The following LOXL2 variants were observed in gnomAD, a reference collection of about 807,000 sequenced individuals.
The protein encoded by LOXL2 is lysyl oxidase like 2.
A neutral mutation model predicts 93.0 loss-of-function variants in LOXL2; 70 were observed. That is an observed-to-expected ratio of 0.75 (90% CI 0.62 to 0.92). LOXL2 has a LOEUF of 0.92. Ranked by LOEUF, LOXL2 falls within the 40% of genes least tolerant of loss-of-function variation. The pLI is 0.00. For synonymous variants in LOXL2, 438 were observed against 413.2 expected (o/e 1.06, Z -0.73); for missense variants, 973 against 1,054.9 (o/e 0.92, Z 1.08).
chr8:23,332,915 A>ACC (rs2117172321), intron 5 of LOXL2, among the ~76,000 whole-genome samples: 3 of 144,442 alleles, frequency 2.1e-5, no homozygotes, highest in Admixed American at 7.0e-5. Flanking sequence ...CACCCCCCCC[A>ACC]CAGAGGGGGG....
intron 3 of LOXL2, chr8:23,341,593 T>C (rs1803884120): frequency 3.3e-6 from 1 of 305,940 alleles, no homozygotes. Context: ...GGATTTTGCA[T>C]TTCACTCCAA....
chr8:23,335,162 C>A (rs1422322110), intron 4 of LOXL2, among the ~76,000 whole-genome samples: 1 of 152,100 alleles, frequency 6.6e-6, no homozygotes, highest in African/African-American at 2.4e-5. Context: ...CAAGTCATAT[C>A]ATTGTAAGGA....
intron 10 of LOXL2, among the ~76,000 whole-genome samples, chr8:23,308,024 T>C (rs1418931481): frequency 7.8e-6 from 1 of 128,432 alleles, no homozygotes; most frequent in Non-Finnish European, 1.6e-5. Flanking sequence ...AGAAAGAGCA[T>C]GTAGTTTGGA....
At chr8:23,386,123 T>G (rs1197804192) in intron 1 of LOXL2, 2 of 743,206 alleles carry the variant, frequency 2.7e-6, no homozygotes, top group Non-Finnish European at 2.5e-6. Context: ...AAGCTGGAAT[T>G]TGTAACCAGG....
At chr8:23,374,195 T>C (rs931457805) in intron 1 of LOXL2, among the ~76,000 whole-genome samples, 1 of 148,006 alleles carries the variant, frequency 6.8e-6, no homozygotes, top group African/African-American at 2.5e-5. Context: ...TGACAACATG[T>C]GGTGTTTGGT....
At chr8:23,329,093 C>T (rs1205943467) in intron 5 of LOXL2, 1 of 153,220 alleles carries the variant, frequency 6.5e-6, no homozygotes, top group Non-Finnish European at 1.5e-5. Flanking sequence ...TGCAGAGACT[C>T]CAAAGTACTA....
At chr8:23,310,699 C>A (rs1803308821) in intron 9 of LOXL2, among the ~76,000 whole-genome samples, 1 of 152,292 alleles carries the variant, frequency 6.6e-6, no homozygotes, top group South Asian at 2.1e-4. Flanking sequence ...GTCTCTGATT[C>A]CTACTGCCAA....
intron 3 of LOXL2, among the ~76,000 whole-genome samples, chr8:23,353,078 T>C (rs1047151389): frequency 5.3e-5 from 8 of 152,076 alleles, no homozygotes; most frequent in African/African-American, 1.9e-4. Flanking sequence ...ATGAAAACCT[T>C]CCCTGATCTA....
chr8:23,338,421 G>T (rs529226891), intron 4 of LOXL2, among the ~76,000 whole-genome samples: 1 of 151,962 alleles, frequency 6.6e-6, no homozygotes, highest in East Asian at 1.9e-4. Context: ...GCAGCGGGGT[G>T]GGGGGGCCCA....
intron 1 of LOXL2, among the ~76,000 whole-genome samples, chr8:23,402,096 GCA>G (rs1405187753): frequency 1.3e-5 from 2 of 151,660 alleles, no homozygotes; most frequent in African/African-American, 2.4e-5. Context: ...ATGCAAACAT[GCA>G]CACAAACACA....
In LOXL2 at chr8:23,297,978, T is replaced by C. The variant is rs376741886; in HGVS notation, c.*65A>G. On this transcript the variant is annotated 3_prime_UTR_variant, in exon 14 of 14. Transcript: ENST00000389131. ...CGTGGCATTCGTTCAGACTCAGTTG[T>C]TGGGGGGAAGTCCCATGGAAGATGT... 4,423 of 1,391,774 alleles carry C rather than the reference T, an allele frequency of 3.2e-3. 68 individuals carry two copies. The highest frequency in any genetic ancestry group is 0.03 in the South Asian group (2,534 of 84,058). 86.2% of individuals were successfully genotyped at this position (1,391,774 alleles called of 1,614,324 possible). A position where few individuals can be genotyped will look rare whatever the true frequency, so the allele number is the denominator to read the frequency against.
At chr8:23,315,184 A>T (rs1803376513) in intron 9 of LOXL2, among the ~76,000 whole-genome samples, 1 of 152,182 alleles carries the variant, frequency 6.6e-6, no homozygotes, top group African/African-American at 2.4e-5. Context: ...GCAGGGAAAG[A>T]CATACAGAAG....
chr8:23,390,026 C>A (rs1440451647), intron 1 of LOXL2, among the ~76,000 whole-genome samples: 2 of 152,192 alleles, frequency 1.3e-5, no homozygotes, highest in Non-Finnish European at 2.9e-5. Context: ...TCCTTCCAGA[C>A]AGAATGTTCC....
intron 3 of LOXL2, among the ~76,000 whole-genome samples, chr8:23,344,611 G>A (rs1203798843): frequency 6.6e-6 from 1 of 152,016 alleles, no homozygotes; most frequent in Non-Finnish European, 1.5e-5. Context: ...CTGTGTGCAT[G>A]ATGATGTATG....
At chr8:23,367,268 C>T (rs7839561) in intron 2 of LOXL2, among the ~76,000 whole-genome samples, 35,065 of 152,014 alleles carry the variant, frequency 0.23, 6,242 homozygotes, top group African/African-American at 0.5. Context: ...AGGCTGGTCT[C>T]GAACTCCTGA....
intron 1 of LOXL2, among the ~76,000 whole-genome samples, chr8:23,402,040 GCA>G (rs1273347320): frequency 5.3e-5 from 8 of 151,498 alleles, no homozygotes; most frequent in Non-Finnish European, 1.2e-4. Context: ...ACACATGCGT[GCA>G]CACACATACA....
At chr8:23,306,356 T>TC (rs1563184875) in intron 10 of LOXL2, among the ~76,000 whole-genome samples, 2 of 152,172 alleles carry the variant, frequency 1.3e-5, no homozygotes, top group Non-Finnish European at 2.9e-5. Flanking sequence ...GAATGGACAG[T>TC]CCTGGAGGTG....
intron 5 of LOXL2, chr8:23,328,793 G>A (rs1019886632): frequency 1.9e-6 from 1 of 513,306 alleles, no homozygotes; most frequent in Non-Finnish European, 3.5e-6. Context: ...AGTCAGCTCT[G>A]GTGCAAGCTC....
In LOXL2 at chr8:23,397,011, A is replaced by G. The variant is rs150990293; in HGVS notation, c.-84+6943T>C. Among the ~76,000 whole-genome samples, 1,133 of 152,334 alleles carry G rather than the reference A, an allele frequency of 7.4e-3. 10 individuals carry two copies. The highest frequency in any genetic ancestry group is 0.026 in the African/African-American group (1,067 of 41,570). On this transcript the variant is annotated intron_variant, in intron 1 of 13. Transcript: ENST00000389131. ...AAATGTGGTCTATCCATACAGTGGG[A>G]TATTATTCAGGCTCAACAAGGAAGG...
Sources: allele counts gnomAD v4.1 joint callset (sites outside exome capture counted in the v4.1 genomes callset), GRCh38; gene constraint gnomAD v4.1.1; transcripts MANE v1.5; gene names NCBI Gene and HGNC (gene_info 2026-07-23, HGNC 2026-07-21).